TGFA: variants seen among roughly 807,000 people sequenced by gnomAD.
TGFA encodes transforming growth factor alpha, also known as protransforming growth factor alpha.
In TGFA, 12 loss-of-function variants were observed where a neutral mutation model predicts 21.7. The ratio of observed to expected loss-of-function variants is 0.55; its 90% CI spans 0.35 to 0.90. TGFA has a LOEUF of 0.90. Among genes scored for constraint, TGFA ranks in the 40% least tolerant of loss-of-function variants. The pLI, the probability that TGFA is intolerant of heterozygous loss-of-function variation, is 0.01. For synonymous variants in TGFA, 79 were observed against 88.1 expected, an observed-to-expected ratio of 0.90 and a Z score of 0.58; for missense variants, 178 against 210.8, an observed-to-expected ratio of 0.84 and a Z score of 0.96.
At position 70,466,335 on chromosome 2, in the gene TGFA, G is replaced by A. The variant is rs191976231; in HGVS notation, c.95-599C>T. On this transcript the variant is annotated intron_variant, in intron 2 of 5. Transcript: ENST00000295400. The stretch of plus-strand genomic sequence containing the variant: ...CATCCTGGCTAACACGGTGACACCC[G>A]TCTCTACTAAAAATACAAAAAATTA... Among the ~76,000 whole-genome samples, 123 of 152,216 alleles carry A rather than the reference G, an allele frequency of 8.1e-4. No individual in the cohort carries two copies. In the East Asian group the frequency reaches 0.012, roughly 15 times the overall value.
At chr2:70,499,261 A>G (rs1459697459) in intron 2 of TGFA, among the ~76,000 whole-genome samples, 2 of 152,250 alleles carry the variant, frequency 1.3e-5, no homozygotes, top group African/African-American at 4.8e-5. Context: ...AGGTATGGCC[A>G]TATGAGTTGT....
intron 1 of TGFA, among the ~76,000 whole-genome samples, chr2:70,538,848 G>C (rs576730982): frequency 6.6e-6 from 1 of 152,188 alleles, no homozygotes; most frequent in African/African-American, 2.4e-5. Flanking sequence ...AAGTCTGAAA[G>C]AAGTTCTGCT....
rs559991270 is a variant in TGFA, at chr2:70,448,747, A to G, written c.*2112T>C. 6.6e-6 allele frequency: 1 copy of G among 152,352 alleles called. No individual in the cohort carries two copies. The highest frequency in any genetic ancestry group is 2.4e-5 in the African/African-American group (1 of 41,582). 9.4% of individuals were successfully genotyped at this position (152,352 alleles called of 1,614,324 possible). A position where few individuals can be genotyped will look rare whatever the true frequency, so the allele number is the denominator to read the frequency against. ...GGAAGGCACTTCTAGGGAGGCGTATATGTGAGGCCTCTCACTGCATGTGTG... is the reference window on the plus strand; with the variant it reads ...GGAAGGCACTTCTAGGGAGGCGTATGTGTGAGGCCTCTCACTGCATGTGTG... On this transcript the variant is annotated 3_prime_UTR_variant, in exon 6 of 6. Coordinates refer to ENST00000295400, the MANE Select transcript of TGFA (RefSeq NM_003236.4).
chr2:70,471,443 C>T (rs3821270), intron 2 of TGFA, among the ~76,000 whole-genome samples: 72,743 of 152,054 alleles, frequency 0.48, 17,621 homozygotes, highest in East Asian at 0.54. Flanking sequence ...GGCTTGTGCG[C>T]CCCTAGGGTG....
intron 1 of TGFA, among the ~76,000 whole-genome samples, chr2:70,541,141 T>C (rs1174789010): frequency 6.6e-6 from 1 of 152,236 alleles, no homozygotes; most frequent in East Asian, 1.9e-4. Flanking sequence ...AAAATGCTGA[T>C]AATAACTCAG....
At position 70,448,021 on chromosome 2, in the gene TGFA, C is replaced by T. The variant is rs1408754342; in HGVS notation, c.*2838G>A. The T allele has an allele frequency of 1.3e-5, 2 of 152,256 alleles. No individual in the cohort carries two copies. Among genetic ancestry groups the T allele is most frequent in the Admixed American group, 6.5e-5 (1 of 15,282 alleles). 9.4% of individuals were successfully genotyped at this position (152,256 alleles called of 1,614,324 possible). The stretch of plus-strand genomic sequence containing the variant: ...GCTCCAGAAGCACAAATTCTCCTCC[C>T]TTACCAGTGTGGGTGGGTGAGTGGC... On this transcript the variant is annotated 3_prime_UTR_variant, in exon 6 of 6. Coordinates refer to ENST00000295400, the MANE Select transcript of TGFA (RefSeq NM_003236.4).
intron 1 of TGFA, among the ~76,000 whole-genome samples, chr2:70,545,203 T>C (rs949648529): frequency 6.6e-6 from 1 of 150,520 alleles, no homozygotes; most frequent in African/African-American, 2.5e-5. Flanking sequence ...ACCAAGGAGA[T>C]GAAGGACACG....
At chr2:70,497,378 C>T (rs1255015679) in intron 2 of TGFA, among the ~76,000 whole-genome samples, 4 of 152,226 alleles carry the variant, frequency 2.6e-5, no homozygotes, top group African/African-American at 7.2e-5. Context: ...TAGATCTTAA[C>T]TTAGGAGGCT....
chr2:70,450,950 G>C, intron 5 of TGFA, 84 bp from the exon 6 acceptor site: 1 of 1,515,228 alleles, frequency 6.6e-7, no homozygotes, highest in African/African-American at 1.4e-5. Context: ...GAGACTTGGA[G>C]ATGGCAGAGC....
At chr2:70,492,075 T>G in intron 2 of TGFA, among the ~76,000 whole-genome samples, 1 of 152,258 alleles carries the variant, frequency 6.6e-6, no homozygotes, top group South Asian at 2.1e-4. Context: ...TAGACCTGCA[T>G]GAGGTCTAAG....
At chr2:70,542,759 C>T (rs999514587) in intron 1 of TGFA, among the ~76,000 whole-genome samples, 17 of 152,302 alleles carry the variant, frequency 1.1e-4, no homozygotes, top group African/African-American at 3.8e-4. Context: ...GGTATATGCA[C>T]GTATGCAGAC....
At chr2:70,488,707 T>C (rs1671339646) in intron 2 of TGFA, among the ~76,000 whole-genome samples, 2 of 152,214 alleles carry the variant, frequency 1.3e-5, no homozygotes, top group South Asian at 4.1e-4. Flanking sequence ...TAAGTTCTCT[T>C]CCCCATATCC....
rs1553489020 is a variant in TGFA at position 70,448,347 on chromosome 2, T to C, written c.*2512A>G. On this transcript the variant is annotated 3_prime_UTR_variant, in exon 6 of 6. Coordinates refer to ENST00000295400, the MANE Select transcript of TGFA (RefSeq NM_003236.4). ...ATTTTTTTAAATGGGGGCTTTTCAT[T>C]GTCTCCTGAGCCATTGGAAACAGCG... is the stretch of plus-strand genomic sequence containing the variant. The C allele has an allele frequency of 1.3e-5, 2 of 152,204 alleles. No individual in the cohort carries two copies. Among genetic ancestry groups the C allele is most frequent in the Non-Finnish European group, 2.9e-5 (2 of 68,038 alleles). The allele number at this position is 152,204 out of a possible 1,614,324, so 9.4% of individuals were successfully genotyped here. A position where few individuals can be genotyped will look rare whatever the true frequency, so the allele number is the denominator to read the frequency against.
intron 5 of TGFA, among the ~76,000 whole-genome samples, chr2:70,452,378 T>G (rs1670084603): frequency 1.3e-5 from 2 of 152,186 alleles, no homozygotes; most frequent in Admixed American, 6.5e-5. Context: ...AGGTGCAAGC[T>G]GGGCCCCACA....
chr2:70,453,209 T>A lies in TGFA; in HGVS notation c.475+9A>T. Reference sequence around the variant, plus strand: ...AATAGTGTCTCCCACCAGAGAAGAGTCTCCTTACCTGTTTCTGAGTGGCAG... The same window carrying A: ...AATAGTGTCTCCCACCAGAGAAGAGACTCCTTACCTGTTTCTGAGTGGCAG... On this transcript the variant is annotated intron_variant, in intron 5 of 5. Coordinates refer to ENST00000295400, the MANE Select transcript of TGFA (RefSeq NM_003236.4). The A allele has an allele frequency of 6.2e-7, 1 of 1,609,036 alleles. No homozygotes were observed. Among genetic ancestry groups the A allele is most frequent in the Non-Finnish European group, 8.5e-7 (1 of 1,176,454 alleles).
At chr2:70,460,539 G>A (rs782104379) in intron 3 of TGFA, among the ~76,000 whole-genome samples, 22 of 152,278 alleles carry the variant, frequency 1.4e-4, no homozygotes, top group Non-Finnish European at 2.9e-4. Context: ...TCAGGTAGGC[G>A]TTGGTTCTCA....
intron 1 of TGFA, among the ~76,000 whole-genome samples, chr2:70,538,058 G>A (rs1435146257): frequency 1.3e-5 from 2 of 152,102 alleles, no homozygotes; most frequent in African/African-American, 2.4e-5. Context: ...AAGTCCTTAT[G>A]CTATATCTAC....
At chr2:70,485,889 T>C (rs1671256869) in intron 2 of TGFA, among the ~76,000 whole-genome samples, 1 of 152,224 alleles carries the variant, frequency 6.6e-6, no homozygotes, top group South Asian at 2.1e-4. Context: ...AGATACTTAC[T>C]AATTGGCTAC....
chr2:70,531,698 G>A (rs1286014735), intron 1 of TGFA, among the ~76,000 whole-genome samples: 1 of 152,204 alleles, frequency 6.6e-6, no homozygotes, highest in Non-Finnish European at 1.5e-5. Flanking sequence ...AGTTGTCACA[G>A]AAGATGGAAT....
Sources: gnomAD v4.1 joint callset for allele counts (sites outside exome capture counted in the v4.1 genomes callset) on GRCh38, gnomAD v4.1.1 for gene constraint, MANE v1.5 for transcripts, NCBI Gene and HGNC (gene_info 2026-07-23, HGNC 2026-07-21) for gene names.